Variants in STAT3 observed in about 807,000 individuals in gnomAD.
STAT3 encodes DNA-binding protein APRF.
In STAT3, 7 loss-of-function variants were observed where a neutral mutation model predicts 114.3. The observed-to-expected ratio is 0.06, with a 90% CI of 0.03 to 0.11. The LOEUF (loss-of-function observed/expected upper bound fraction) is 0.11, where lower values mean the gene tolerates loss of function less well. Among genes scored for constraint, STAT3 ranks in the 10% least tolerant of loss-of-function variants. The pLI, the probability that STAT3 is intolerant of heterozygous loss-of-function variation, is 1.00. For synonymous variants in STAT3, 331 were observed against 354.5 expected, an observed-to-expected ratio of 0.93 and a Z score of 0.74; for missense variants, 364 against 960.9, an observed-to-expected ratio of 0.38 and a Z score of 8.21.
At chr17:42,378,170 G>T (rs2084575637) in intron 1 of STAT3, among the ~76,000 whole-genome samples, 1 of 151,036 alleles carries the variant, frequency 6.6e-6, no homozygotes, top group African/African-American at 2.4e-5. Context: ...TTAATCAGTT[G>T]ATTATTTCTG....
At chr17:42,384,317 A>C (rs1329555278) in intron 1 of STAT3, among the ~76,000 whole-genome samples, 1 of 151,576 alleles carries the variant, frequency 6.6e-6, no homozygotes, top group African/African-American at 2.4e-5. Context: ...TTTTTAGTAG[A>C]GATGGGGTTT....
intron 1 of STAT3, among the ~76,000 whole-genome samples, chr17:42,364,408 G>A (rs1022583795): frequency 6.6e-6 from 1 of 152,144 alleles, no homozygotes; most frequent in Non-Finnish European, 1.5e-5. Context: ...TTCCAGGCTC[G>A]AGGGCCACTG....
chr17:42,376,707 A>C, intron 1 of STAT3, among the ~76,000 whole-genome samples: 1 of 145,550 alleles, frequency 6.9e-6, no homozygotes, highest in East Asian at 2.1e-4. Flanking sequence ...TTAGCCGGGC[A>C]TTGTGACGGG....
chr17:42,384,951 C>T (rs760019151), intron 1 of STAT3, among the ~76,000 whole-genome samples: 10 of 152,176 alleles, frequency 6.6e-5, no homozygotes, highest in South Asian at 4.1e-4. Flanking sequence ...ATAACCTCTC[C>T]TTTCTCTGAA....
intron 1 of STAT3, among the ~76,000 whole-genome samples, chr17:42,349,153 C>T (rs1240471955): frequency 6.6e-6 from 1 of 152,154 alleles, no homozygotes; most frequent in East Asian, 1.9e-4. Flanking sequence ...TGTGAGCCAC[C>T]CCATCTGGCC....
chr17:42,344,294 C>T (rs754442242), intron 4 of STAT3, among the ~76,000 whole-genome samples: 28 of 151,586 alleles, frequency 1.8e-4, no homozygotes, highest in Non-Finnish European at 3.7e-4. Flanking sequence ...TGGTGGCGCG[C>T]GCCTGTAGTC....
At position 42,348,553 on chromosome 17, in the gene STAT3, T is replaced by A; in HGVS notation, c.-23-14A>T. 6.2e-7 allele frequency: 1 copy of A among 1,612,330 alleles called. No individual in the cohort carries two copies. The highest frequency in any genetic ancestry group is 8.5e-7 in the Non-Finnish European group (1 of 1,179,878). ...CAGGGGTCCCAACTGTAAACCAAAG[T>A]GTGCATATGTTCACCACAAGTCCCA... On this transcript the variant is annotated splice_polypyrimidine_tract_variant and intron_variant, in intron 1 of 23. Coordinates refer to ENST00000264657, the MANE Select transcript of STAT3 (RefSeq NM_139276.3).
At chr17:42,331,421 T>G in intron 11 of STAT3, 51 bp downstream of exon 11, 9 of 1,490,052 alleles carry the variant, frequency 6.0e-6, no homozygotes, top group Non-Finnish European at 8.4e-6. Context: ...GTCAAAGTTC[T>G]CATTTTTCTA....
chr17:42,321,114 CTTTT>C (rs971943600), intron 21 of STAT3, among the ~76,000 whole-genome samples: 11 of 110,130 alleles, frequency 1.0e-4, no homozygotes, highest in African/African-American at 3.1e-4. Context: ...ATTTCTCTCT[CTTTT>C]TTTTTTTTTT....
chr17:42,376,439 C>T (rs1244754558), intron 1 of STAT3, among the ~76,000 whole-genome samples: 1 of 149,762 alleles, frequency 6.7e-6, no homozygotes, highest in East Asian at 2.0e-4. Context: ...CCCAGCTACT[C>T]AGGAGGCTGA....
Position 42,324,698 on chromosome 17 carries a change from G to A in STAT3, c.1600+13C>T, listed in dbSNP as rs1394077427. On this transcript the variant is annotated intron_variant, in intron 17 of 23. Transcript: ENST00000264657. The surrounding 1 kb of genome is among the most constrained non-coding windows in gnomAD (Gnocchi z 4.5). ...GGCGGGTGGGCGGGAGGGAGAAGGG[G>A]TGAAATGCGGACCCAAGAGTTTCTC... 1 of 1,602,324 alleles carries A rather than the reference G, an allele frequency of 6.2e-7. No homozygotes were observed. The highest frequency in any genetic ancestry group is 1.7e-5 in the Admixed American group (1 of 58,072).
Position 42,325,016 on chromosome 17 carries a change from G to A in STAT3, c.1411C>T (p.Pro471Ser). The A allele has an allele frequency of 6.2e-7, 1 of 1,614,088 alleles. No homozygotes were observed. The highest frequency in any genetic ancestry group is 8.5e-7 in the Non-Finnish European group (1 of 1,179,982). Reference protein sequence around the residue: ...VVVISNICQMPNAWASILWYN... With the variant: ...VVVISNICQMSNAWASILWYN... ...CACAGGATGGACGCCCAGGCATTTG[G>A]CATCTGACAGATGTTGGAGATCACC... Residue 471 changes from proline (P) to serine (S), a missense_variant, in exon 16 of 24, where the codon CCA becomes TCA. Pro to Ser is a moderately conservative substitution (Grantham distance 74). Transcript: ENST00000264657.
rs896763430 is a variant in STAT3, at chr17:42,356,523, G to GTA, written c.-23-7986_-23-7985dup. Reference sequence around the variant, plus strand: ...TATTTCAGAATGTGTTTGTGTGTGTGTATATATATATATATATTTTTTTTT... The same window carrying GTA: ...TATTTCAGAATGTGTTTGTGTGTGTGTATATATATATATATATATTTTTTTTT... On this transcript the variant is annotated intron_variant, in intron 1 of 23. Transcript: ENST00000264657. Among the ~76,000 whole-genome samples the GTA allele has an allele frequency of 8.9e-3, 1,292 of 145,146 alleles. 19 individuals are homozygous for GTA. Among genetic ancestry groups the GTA allele is most frequent in the African/African-American group, 0.03 (1,163 of 38,886 alleles).
At chr17:42,316,984 C>CAG in intron 22 of STAT3, 83 bp from the exon 23 acceptor site, 1 of 1,569,958 alleles carries the variant, frequency 6.4e-7, no homozygotes, top group Non-Finnish European at 8.6e-7. Context: ...AAAACACACA[C>CAG]ACACAAGCCA....
At position 42,324,919 on chromosome 17, in the gene STAT3, C is replaced by T. The variant is rs776306255; in HGVS notation, c.1464+44G>A. On this transcript the variant is annotated intron_variant, in intron 16 of 23. Transcript: ENST00000264657. The surrounding 1 kb of genome is among the most constrained non-coding windows in gnomAD (Gnocchi z 4.5). ...TTGTCTATACTAGGTACCCCTAAGTCGCAAGAGATCCCGGGGCACCAACTA... is the reference window on the plus strand; with the variant it reads ...TTGTCTATACTAGGTACCCCTAAGTTGCAAGAGATCCCGGGGCACCAACTA... 2.5e-6 allele frequency: 4 copies of T among 1,614,070 alleles called. No homozygotes were observed. The highest frequency in any genetic ancestry group is 3.4e-6 in the Non-Finnish European group (4 of 1,179,992).
chr17:42,326,850 G>A (rs1268874014), intron 14 of STAT3, among the ~76,000 whole-genome samples: 1 of 151,958 alleles, frequency 6.6e-6, no homozygotes, highest in Non-Finnish European at 1.5e-5. Context: ...AAAAAGAGAA[G>A]GACACTTTTC....
chr17:42,334,201 C>T (rs2082136419), intron 8 of STAT3, 152 bp from the exon 9 acceptor site: 3 of 919,232 alleles, frequency 3.3e-6, no homozygotes, highest in Non-Finnish European at 4.9e-6. Context: ...ATGAAATTTA[C>T]AATTTTTCAT....
intron 11 of STAT3, among the ~76,000 whole-genome samples, chr17:42,330,915 A>G (rs1449349271): frequency 6.6e-6 from 1 of 152,210 alleles, no homozygotes; most frequent in Non-Finnish European, 1.5e-5. Flanking sequence ...CAAAATGCAT[A>G]TATGATGGTG....
At chr17:42,317,265 C>A in intron 21 of STAT3, 41 bp from the exon 22 acceptor site, 1 of 1,608,952 alleles carries the variant, frequency 6.2e-7, no homozygotes, top group Non-Finnish European at 8.5e-7. Flanking sequence ...ACTGTGACTT[C>A]GCATTCAGTA....
Sources: allele counts gnomAD v4.1 joint callset (sites outside exome capture counted in the v4.1 genomes callset), GRCh38; gene constraint gnomAD v4.1.1; non-coding constraint Gnocchi (gnomAD v3.1); transcripts MANE v1.5; gene names NCBI Gene and HGNC (gene_info 2026-07-23, HGNC 2026-07-21).